Variants in GADL1 observed in about 807,000 individuals in gnomAD.
GADL1 encodes acidic amino acid decarboxylase GADL1.
GADL1 carries 71 observed loss-of-function variants against 69.5 expected under a neutral mutation model. The ratio of observed to expected loss-of-function variants is 1.02; its 90% confidence interval spans 0.84 to 1.25. The LOEUF is 1.25. GADL1 is among the 50% of genes most tolerant of loss of function. The pLI, the probability that GADL1 is intolerant of heterozygous loss-of-function variation, is 0.00. For synonymous variants in GADL1, 254 were observed against 214.4 expected (o/e 1.18, Z -1.62); for missense variants, 737 against 631.8 (o/e 1.17, Z -1.79).
chr3:30,827,798 A>C (rs1028070177), intron 11 of GADL1, among the ~76,000 whole-genome samples: 1 of 151,926 alleles, frequency 6.6e-6, no homozygotes, highest in African/African-American at 2.4e-5. Context: ...ACTTTGCCAA[A>C]AGGTCTGGGA....
At chr3:30,768,222 AAAT>A (rs1696330810) in intron 14 of GADL1, among the ~76,000 whole-genome samples, 2 of 152,202 alleles carry the variant, frequency 1.3e-5, no homozygotes, top group South Asian at 2.1e-4. Flanking sequence ...TATCGTCTGG[AAAT>A]AATAGCAAAA....
chr3:30,816,826 A>T, intron 11 of GADL1, among the ~76,000 whole-genome samples: 1 of 152,030 alleles, frequency 6.6e-6, no homozygotes. Flanking sequence ...GATTATAGGC[A>T]TGAGCTACCA....
intron 14 of GADL1, among the ~76,000 whole-genome samples, chr3:30,742,254 A>G (rs560706285): frequency 1.3e-5 from 2 of 151,910 alleles, no homozygotes; most frequent in South Asian, 4.2e-4. Flanking sequence ...GATTTGTAAA[A>G]CAGAAATAGT....
At chr3:30,762,286 G>GT (rs1289277301) in intron 14 of GADL1, among the ~76,000 whole-genome samples, 1 of 152,168 alleles carries the variant, frequency 6.6e-6, no homozygotes, top group African/African-American at 2.4e-5. Flanking sequence ...GAAAAGAGAA[G>GT]TGAGGACATA....
chr3:30,888,660 C>A (rs1051598832), intron 1 of GADL1, among the ~76,000 whole-genome samples: 6 of 152,038 alleles, frequency 3.9e-5, no homozygotes, highest in Admixed American at 1.3e-4. Flanking sequence ...ATTCTTTCTT[C>A]AAGAGAAGGA....
chr3:30,772,246 C>CA (rs1303141804), intron 14 of GADL1, among the ~76,000 whole-genome samples: 1 of 152,140 alleles, frequency 6.6e-6, no homozygotes, highest in Non-Finnish European at 1.5e-5. Context: ...ACATTAGTCA[C>CA]AAATCTGCAG....
chr3:30,832,630 T>C (rs1034769381), intron 11 of GADL1, among the ~76,000 whole-genome samples: 5 of 152,018 alleles, frequency 3.3e-5, no homozygotes, highest in South Asian at 2.1e-4. Flanking sequence ...TTTGTTCTTA[T>C]ACCTAGACCA....
chr3:30,890,164 G>A (rs1698767420), intron 1 of GADL1, among the ~76,000 whole-genome samples: 1 of 152,136 alleles, frequency 6.6e-6, no homozygotes, highest in Non-Finnish European at 1.5e-5. Flanking sequence ...AGGCAAAGGT[G>A]AATATAAACT....
intron 5 of GADL1, 74 bp from the exon 6 acceptor site, chr3:30,850,185 A>G (rs1334938274): frequency 2.5e-6 from 2 of 808,634 alleles, no homozygotes; most frequent in Admixed American, 1.9e-5. Context: ...TACAGTGGAA[A>G]GCATGAATGG....
intron 1 of GADL1, among the ~76,000 whole-genome samples, chr3:30,893,450 A>AC (rs1698812781): frequency 6.6e-6 from 1 of 151,062 alleles, no homozygotes; most frequent in African/African-American, 2.4e-5. Context: ...AACTATATTC[A>AC]CCCTACTGTG....
At chr3:30,755,682 G>A (rs1034554977) in intron 14 of GADL1, among the ~76,000 whole-genome samples, 1 of 152,264 alleles carries the variant, frequency 6.6e-6, no homozygotes, top group Non-Finnish European at 1.5e-5. Flanking sequence ...ACTCATTCAG[G>A]TCTGGGAGTC....
At chr3:30,855,012 G>A (rs1276265010) in intron 3 of GADL1, among the ~76,000 whole-genome samples, 1 of 152,090 alleles carries the variant, frequency 6.6e-6, no homozygotes, top group African/African-American at 2.4e-5. Context: ...GGATTGGGAA[G>A]GGACTTCAGA....
Position 30,786,744 on chromosome 3 carries a change from G to A in GADL1, c.1251-338C>T, listed in dbSNP as rs186955241. On this transcript the variant is annotated intron_variant, in intron 12 of 14. Transcript: ENST00000282538. ...CTGTAAATGGGGGATTTAACCATAG[G>A]TACTTACATTAAATAGCTGGCTTGG... Among the ~76,000 whole-genome samples, 854 of 152,248 alleles carry A rather than the reference G, an allele frequency of 5.6e-3. 8 individuals are homozygous for A. Among genetic ancestry groups the A allele is most frequent in the Non-Finnish European group, 5.7e-3 (387 of 68,016 alleles).
chr3:30,849,894 C>A, intron 6 of GADL1, 102 bp downstream of exon 6: 2 of 684,016 alleles, frequency 2.9e-6, no homozygotes, highest in South Asian at 1.8e-5. Context: ...GCATATTAGT[C>A]ACATGGGTAT....
intron 11 of GADL1, among the ~76,000 whole-genome samples, chr3:30,807,715 A>G (rs1697278785): frequency 6.6e-6 from 1 of 152,194 alleles, no homozygotes; most frequent in African/African-American, 2.4e-5. Flanking sequence ...GGGGGATGGA[A>G]GAGAGTAAGC....
Position 30,823,072 on chromosome 3 carries a change from C to T in GADL1, c.1050+10781G>A, listed in dbSNP as rs184085085. Among the ~76,000 whole-genome samples, 1,038 of 152,026 alleles carry T rather than the reference C, an allele frequency of 6.8e-3. 5 individuals are homozygous for T. Among genetic ancestry groups the T allele is most frequent in the Middle Eastern group, 0.014 (4 of 294 alleles). On this transcript the variant is annotated intron_variant, in intron 11 of 14. Transcript: ENST00000282538. ...CTTCCCACTGAATACAGCCAAGAAT[C>T]CTGGAACAAAATATAAAAACTGCAT...
intron 11 of GADL1, among the ~76,000 whole-genome samples, chr3:30,803,674 T>C (rs1225324068): frequency 6.6e-6 from 1 of 152,226 alleles, no homozygotes; most frequent in Non-Finnish European, 1.5e-5. Context: ...AATTCTGCCT[T>C]GGGAAGGTTT....
intron 6 of GADL1, among the ~76,000 whole-genome samples, chr3:30,845,397 G>A (rs1407915252): frequency 1.3e-5 from 2 of 152,020 alleles, no homozygotes; most frequent in Non-Finnish European, 2.9e-5. Flanking sequence ...AGGTGCTAAA[G>A]GACATTATTG....
At chr3:30,739,572 C>T (rs1157152223) in intron 14 of GADL1, among the ~76,000 whole-genome samples, 1 of 152,174 alleles carries the variant, frequency 6.6e-6, no homozygotes, top group Non-Finnish European at 1.5e-5. Context: ...CCTATACCTT[C>T]TCTTTGCATC....
Sources: allele counts gnomAD v4.1 joint callset (sites outside exome capture counted in the v4.1 genomes callset), GRCh38; gene constraint gnomAD v4.1.1; transcripts MANE v1.5; gene names NCBI Gene and HGNC (gene_info 2026-07-23, HGNC 2026-07-21).